CPQ: variants seen among roughly 807,000 people sequenced by gnomAD.
The protein encoded by CPQ is carboxypeptidase Q.
Under a neutral mutation model 45.7 loss-of-function variants are expected in CPQ, and 37 were observed. The ratio of observed to expected loss-of-function variants is 0.81; its 90% CI spans 0.62 to 1.07. The LOEUF is 1.07. Among genes scored for constraint, CPQ ranks in the 50% least tolerant of loss-of-function variants. The pLI, the probability that CPQ is intolerant of heterozygous loss-of-function variation, is 0.00. For synonymous variants in CPQ, 186 were observed against 205.8 expected (o/e 0.90, Z 0.82); for missense variants, 537 against 572.9 (o/e 0.94, Z 0.64).
intron 4 of CPQ, among the ~76,000 whole-genome samples, chr8:96,934,273 T>C (rs925041640): frequency 1.3e-5 from 2 of 152,138 alleles, no homozygotes; most frequent in Non-Finnish European, 2.9e-5. Flanking sequence ...GGATTAAGGA[T>C]GGTAGAGAGA....
chr8:97,067,683 T>C (rs1342339744), intron 7 of CPQ, among the ~76,000 whole-genome samples: 1 of 152,236 alleles, frequency 6.6e-6, no homozygotes, highest in African/African-American at 2.4e-5. Context: ...AAAGGAGCTT[T>C]TCTGTACTCT....
At chr8:96,718,783 C>G (rs1021139264) in intron 1 of CPQ, among the ~76,000 whole-genome samples, 1 of 152,072 alleles carries the variant, frequency 6.6e-6, no homozygotes, top group African/African-American at 2.4e-5. Flanking sequence ...TCTCCATGTC[C>G]CCACTAGATT....
intron 5 of CPQ, among the ~76,000 whole-genome samples, chr8:96,973,272 A>C (rs1468300700): frequency 6.6e-6 from 1 of 152,022 alleles, no homozygotes; most frequent in Non-Finnish European, 1.5e-5. Context: ...AAAGAAATTC[A>C]GAGTTCAAAG....
chr8:96,941,857 T>A (rs1438926089), intron 4 of CPQ, among the ~76,000 whole-genome samples: 1 of 152,206 alleles, frequency 6.6e-6, no homozygotes, highest in Non-Finnish European at 1.5e-5. Flanking sequence ...AGTCCTATTG[T>A]CATAACCATG....
At chr8:97,026,641 A>G in intron 5 of CPQ, among the ~76,000 whole-genome samples, 1 of 152,230 alleles carries the variant, frequency 6.6e-6, no homozygotes, top group East Asian at 1.9e-4. Flanking sequence ...TCTGTGAAGT[A>G]GGTGCTAGGG....
intron 1 of CPQ, among the ~76,000 whole-genome samples, chr8:96,768,972 T>A (rs1036299354): frequency 2.6e-5 from 4 of 152,178 alleles, no homozygotes; most frequent in African/African-American, 9.6e-5. Flanking sequence ...AACACATGAG[T>A]ACAATCAGCT....
At chr8:96,874,346 T>G (rs576523483) in intron 3 of CPQ, among the ~76,000 whole-genome samples, 1 of 151,872 alleles carries the variant, frequency 6.6e-6, no homozygotes, top group Non-Finnish European at 1.5e-5. Context: ...TAAAATACAC[T>G]CCTTTAACTT....
At chr8:96,835,490 C>T (rs937770872) in intron 3 of CPQ, among the ~76,000 whole-genome samples, 1 of 152,196 alleles carries the variant, frequency 6.6e-6, no homozygotes, top group African/African-American at 2.4e-5. Context: ...GAACTGCGTT[C>T]ATGTCTGCAT....
chr8:96,807,614 A>G (rs1352505254), intron 2 of CPQ, among the ~76,000 whole-genome samples: 1 of 152,104 alleles, frequency 6.6e-6, no homozygotes, highest in Non-Finnish European at 1.5e-5. Flanking sequence ...TTCCTTTTAC[A>G]CCTGCATGGT....
At position 96,885,872 on chromosome 8, in the gene CPQ, G is replaced by C. The variant is rs1201988743; in HGVS notation, c.849+5867G>C. On this transcript the variant is annotated intron_variant, in intron 4 of 7. Transcript: ENST00000220763. ...CCGGGTGTGGTGGCGGGCGCCTGTA[G>C]CCCCAGCTACTGGAGAGGCTGAGGC... 2.6e-5 allele frequency among the ~76,000 whole-genome samples: 4 copies of C among 152,042 alleles called. No individual in the cohort carries two copies. The East Asian group carries it at 7.8e-4, about 30-fold the overall frequency.
chr8:96,702,881 C>G (rs1482593845), intron 1 of CPQ, among the ~76,000 whole-genome samples: 2 of 151,766 alleles, frequency 1.3e-5, no homozygotes, highest in East Asian at 3.9e-4. Flanking sequence ...TTAAAATGGC[C>G]CCCAAGTGTA....
chr8:97,043,218 T>C (rs1810165085), intron 6 of CPQ, among the ~76,000 whole-genome samples: 1 of 152,180 alleles, frequency 6.6e-6, no homozygotes, highest in East Asian at 1.9e-4. Flanking sequence ...TCCTGTTGAA[T>C]TGATCCCTTT....
intron 4 of CPQ, among the ~76,000 whole-genome samples, chr8:96,885,865 G>A (rs1468999832): frequency 1.1e-4 from 17 of 152,018 alleles, no homozygotes; most frequent in Non-Finnish European, 1.6e-4. Context: ...GGTGGCGGGC[G>A]CCTGTAGCCC....
At chr8:96,763,961 A>C (rs1416525376) in intron 1 of CPQ, among the ~76,000 whole-genome samples, 1 of 152,188 alleles carries the variant, frequency 6.6e-6, no homozygotes, top group Non-Finnish European at 1.5e-5. Context: ...CACTTTGAAA[A>C]ACAACTTGGC....
intron 4 of CPQ, among the ~76,000 whole-genome samples, chr8:96,893,283 A>G (rs1286309836): frequency 6.6e-6 from 1 of 152,222 alleles, no homozygotes; most frequent in Non-Finnish European, 1.5e-5. Context: ...CAGGACAACC[A>G]TCAGCATCAA....
At chr8:97,119,045 A>G (rs1811646455) in intron 7 of CPQ, among the ~76,000 whole-genome samples, 1 of 152,070 alleles carries the variant, frequency 6.6e-6, no homozygotes, top group Admixed American at 6.6e-5. Flanking sequence ...TTGATAGCCC[A>G]GGACCAGGCG....
chr8:97,069,889 T>C (rs754386168), intron 7 of CPQ, among the ~76,000 whole-genome samples: 9 of 152,156 alleles, frequency 5.9e-5, no homozygotes, highest in Admixed American at 1.3e-4. Context: ...ACTGTATATC[T>C]ATCACACAGA....
intron 7 of CPQ, among the ~76,000 whole-genome samples, chr8:97,095,202 T>G (rs1476728108): frequency 6.6e-6 from 1 of 152,162 alleles, no homozygotes; most frequent in Non-Finnish European, 1.5e-5. Flanking sequence ...GGAAGCCATG[T>G]GGCCAATGTT....
intron 4 of CPQ, among the ~76,000 whole-genome samples, chr8:96,898,730 A>G (rs1812475743): frequency 6.6e-6 from 1 of 150,912 alleles, no homozygotes; most frequent in Non-Finnish European, 1.5e-5. Flanking sequence ...TATATATGTA[A>G]CTAACCTGCA....
Sources: gnomAD v4.1 joint callset for allele counts (sites outside exome capture counted in the v4.1 genomes callset) on GRCh38, gnomAD v4.1.1 for gene constraint, MANE v1.5 for transcripts, NCBI Gene and HGNC (gene_info 2026-07-23, HGNC 2026-07-21) for gene names.